Variants in ACTR6 observed in about 807,000 individuals in gnomAD.
ACTR6 encodes the protein actin-related protein 6.
Under a neutral mutation model 52.5 loss-of-function variants are expected in ACTR6, and 50 were observed. The observed-to-expected ratio is 0.95, with a 90% CI of 0.76 to 1.20. The LOEUF (loss-of-function observed/expected upper bound fraction) is 1.20. Ranked by LOEUF, ACTR6 falls within the 50% of genes most tolerant of loss-of-function variation. ACTR6 has a pLI of 0.00. For missense variants in ACTR6, 344 were observed against 472.4 expected, an observed-to-expected ratio of 0.73 and a Z score of 2.52; for synonymous variants, 135 against 147.2, an observed-to-expected ratio of 0.92 and a Z score of 0.60.
At chr12:100,221,512 GTCT>G (rs201718396) in intron 10 of ACTR6, among the ~76,000 whole-genome samples, 1 of 151,374 alleles carries the variant, frequency 6.6e-6, no homozygotes, top group East Asian at 1.9e-4. Context: ...ACAGAAATAG[GTCT>G]TATTATTTTA....
intron 2 of ACTR6, chr12:100,205,320 G>T: frequency 6.4e-6 from 2 of 310,252 alleles, no homozygotes; most frequent in East Asian, 6.1e-5. Context: ...TGTATATATT[G>T]GTGTGTCTTT....
chr12:100,221,585 C>T (rs918496878), intron 10 of ACTR6: 5 of 151,824 alleles, frequency 3.3e-5, no homozygotes, highest in African/African-American at 4.8e-5. Context: ...TATGTGTATA[C>T]TTATATATAA....
Position 100,220,991 on chromosome 12 carries a change from A to G in ACTR6, c.1061+845A>G, listed in dbSNP as rs199591532. ...GACAAAGCAAGACTCTGTCTCAAAA[A>G]CAAACAAACAAACCCCCCTGGCAAA... On this transcript the variant is annotated intron_variant, in intron 10 of 10. Coordinates refer to ENST00000188312, the MANE Select transcript of ACTR6 (RefSeq NM_022496.5). Among the ~76,000 whole-genome samples, 14 of 150,964 alleles carry G rather than the reference A, an allele frequency of 9.3e-5. No individual in the cohort carries two copies. The East Asian group carries it at 2.7e-3, about 29-fold the overall frequency.
chr12:100,223,828 GAA>G lies in ACTR6; in HGVS notation c.1105_1106del (p.Asn369Ter). The G allele has an allele frequency of 6.2e-7, 1 of 1,611,206 alleles. No individual in the cohort carries two copies. The highest frequency in any genetic ancestry group is 1.1e-5 in the South Asian group (1 of 90,488). ...GGGAAGGTGGAAAATTGATATCAGA[GAA>G]TGATGATTTTGAAGATATGGTGGTA... is the stretch of plus-strand genomic sequence containing the variant. Reference protein sequence around the residue: ...AWEGGKLISENDDFEDMVVTR... With the variant: ...AWEGGKLISEXDDFEDMVVTR... On this transcript the variant is annotated frameshift_variant, in exon 11 of 11. Coordinates refer to ENST00000188312, the MANE Select transcript of ACTR6 (RefSeq NM_022496.5). LOFTEE classifies it high-confidence loss of function.
intron 1 of ACTR6, chr12:100,203,897 T>A (rs1402298920): frequency 6.6e-6 from 1 of 151,646 alleles, no homozygotes; most frequent in Non-Finnish European, 1.5e-5. Context: ...GATCTGCCTG[T>A]CTCGGCCTCC....
chr12:100,211,961 A>G (rs925006438), intron 6 of ACTR6, among the ~76,000 whole-genome samples: 1 of 152,224 alleles, frequency 6.6e-6, no homozygotes, highest in African/African-American at 2.4e-5. Flanking sequence ...GCAAGATTCT[A>G]TTCAGAATGG....
intron 8 of ACTR6, among the ~76,000 whole-genome samples, chr12:100,216,580 C>T (rs2096124101): frequency 6.6e-6 from 1 of 152,194 alleles, no homozygotes; most frequent in Non-Finnish European, 1.5e-5. Flanking sequence ...TGATCCTCTT[C>T]TGTCAATCAG....
Position 100,200,867 on chromosome 12 carries a change from C to T in ACTR6, c.16C>T (p.Leu6=), listed in dbSNP as rs1338056036. Residue 6 remains leucine (L), a synonymous_variant, in exon 1 of 11, where the codon CTG becomes TTG. Transcript: ENST00000188312. ...TGGTGGTGAGATGACGACCTTAGTG[C>T]TGGATAATGGAGCTTACAACGCCAA... MTTLV[L]DNGAYNAKIG... is the part of the protein sequence containing the mutation. The T allele has an allele frequency of 1.2e-6, 2 of 1,613,956 alleles. No homozygotes were observed. Among genetic ancestry groups the T allele is most frequent in the South Asian group, 2.2e-5 (2 of 91,084 alleles).
rs1566299971 is a variant in ACTR6 at position 100,223,915 on chromosome 12, A to C, written c.1191A>C (p.Ter397TyrextTer13). Residue 397 changes from the stop codon to tyrosine (Y), a stop_lost, in exon 11 of 11, where the codon TAA becomes TAC. Coordinates refer to ENST00000188312, the MANE Select transcript of ACTR6 (RefSeq NM_022496.5). ...HSVCEEKFDI[*>Y] ...TCTGTGAAGAGAAATTTGATATTTA[A>C]GCAACATTTTTGAATGAAAGTTGTG... 1 of 1,600,910 alleles carries C rather than the reference A, an allele frequency of 6.2e-7. No homozygotes were observed. Among genetic ancestry groups the C allele is most frequent in the East Asian group, 2.3e-5 (1 of 44,338 alleles).
chr12:100,217,386 G>A (rs1036004375), intron 8 of ACTR6, among the ~76,000 whole-genome samples: 1 of 152,192 alleles, frequency 6.6e-6, no homozygotes, highest in Admixed American at 6.5e-5. Context: ...TGAATAGAGA[G>A]TAGATGGCTG....
rs780117628 is a variant in ACTR6, at chr12:100,222,916, T to C, written c.1062-870T>C. ...ATCATACACTATGTTTTCTGTTTCATTTATTAGAGGCAACAAAGTCTATCA... is the reference window on the plus strand; with the variant it reads ...ATCATACACTATGTTTTCTGTTTCACTTATTAGAGGCAACAAAGTCTATCA... On this transcript the variant is annotated intron_variant, in intron 10 of 10. Transcript: ENST00000188312. Among the ~76,000 whole-genome samples the C allele has an allele frequency of 7.7e-4, 117 of 152,242 alleles. 1 individual carries two copies. The highest frequency in any genetic ancestry group is 1.6e-4 in the Non-Finnish European group (11 of 68,040).
intron 10 of ACTR6, among the ~76,000 whole-genome samples, chr12:100,223,468 T>G (rs557180351): frequency 6.6e-6 from 1 of 152,364 alleles, no homozygotes; most frequent in African/African-American, 2.4e-5. Context: ...TTTAGGCATC[T>G]TTTGATCTTT....
chr12:100,222,661 A>G (rs540202493), intron 10 of ACTR6, among the ~76,000 whole-genome samples: 3 of 152,170 alleles, frequency 2.0e-5, no homozygotes, highest in South Asian at 2.1e-4. Flanking sequence ...TGAGCCTCCT[A>G]AGTAGCTAGG....
chr12:100,201,781 C>T (rs143199559), intron 1 of ACTR6, among the ~76,000 whole-genome samples: 1 of 152,286 alleles, frequency 6.6e-6, no homozygotes, highest in East Asian at 1.9e-4. Flanking sequence ...ACCACCACTC[C>T]CAGCGAATTT....
At chr12:100,208,151 CA>C (rs879868740) in intron 4 of ACTR6, among the ~76,000 whole-genome samples, 6 of 140,030 alleles carry the variant, frequency 4.3e-5, no homozygotes, top group African/African-American at 5.3e-5. Flanking sequence ...ATCCTGTCTC[CA>C]AAAAAAAAAG....
chr12:100,213,152 G>A (rs181477123), intron 8 of ACTR6, among the ~76,000 whole-genome samples: 1 of 152,008 alleles, frequency 6.6e-6, no homozygotes. Context: ...GTGCAATGGT[G>A]CGATCACAGC....
chr12:100,214,697 TG>T (rs2096122655), intron 8 of ACTR6, among the ~76,000 whole-genome samples: 1 of 152,180 alleles, frequency 6.6e-6, no homozygotes, highest in African/African-American at 2.4e-5. Context: ...ATCATTTCAC[TG>T]CACTCCAGAG....
rs2096125369 is a variant in ACTR6, at chr12:100,218,217, ATTTAG to A, written c.751-195_751-191del. ...AACAGCCATATTAGCGTCAGTAATT[ATTTAG>A]TTGTGTTTTGTGTGATTTTGGCAAC... On this transcript the variant is annotated intron_variant, in intron 8 of 10. Transcript: ENST00000188312. The surrounding 1 kb of genome is among the most constrained non-coding windows in gnomAD (Gnocchi z 4.2). Among the ~76,000 whole-genome samples the A allele has an allele frequency of 6.6e-6, 1 of 152,170 alleles. No individual in the cohort carries two copies. Among genetic ancestry groups the A allele is most frequent in the South Asian group, 2.1e-4 (1 of 4,836 alleles).
Position 100,205,714 on chromosome 12 carries a change from G to A in ACTR6, c.225G>A (p.Trp75Ter), listed in dbSNP as rs1592833530. The A allele has an allele frequency of 1.3e-6, 2 of 1,516,974 alleles. No homozygotes were observed. Among genetic ancestry groups the A allele is most frequent in the South Asian group, 1.4e-5 (1 of 69,634 alleles). 94.0% of individuals were successfully genotyped at this position (1,516,974 alleles called of 1,614,324 possible). ...LVNWDVQRQV[W>*]DYLFGKEMYQ... ...ATTGGGATGTTCAGAGACAAGTTTG[G>A]GATTACCTTTTTGGAAAAGAAATGT... The change falls in exon 3 of 11, where the codon TGG becomes TGA. Residue 75 changes from tryptophan to a stop codon, truncating the protein, a stop_gained. Coordinates refer to ENST00000188312, the MANE Select transcript of ACTR6 (RefSeq NM_022496.5). LOFTEE classifies it high-confidence loss of function.
Sources: allele counts gnomAD v4.1 joint callset (sites outside exome capture counted in the v4.1 genomes callset), GRCh38; gene constraint gnomAD v4.1.1; non-coding constraint Gnocchi (gnomAD v3.1); transcripts MANE v1.5; gene names NCBI Gene and HGNC (gene_info 2026-07-23, HGNC 2026-07-21).